MED12L: variants seen among roughly 807,000 people sequenced by gnomAD.
The protein encoded by MED12L is mediator of RNA polymerase II transcription subunit 12-like protein.
A neutral mutation model predicts 281.3 loss-of-function variants in MED12L; 60 were observed. The ratio of observed to expected loss-of-function variants is 0.21; its 90% CI spans 0.17 to 0.26. MED12L has a LOEUF of 0.26. Ranked by LOEUF, MED12L falls within the 10% of genes least tolerant of loss-of-function variation. The probability of loss-of-function intolerance (pLI) is 1.00; values close to 1 mark genes in which losing one functional copy is unlikely to be tolerated. For missense variants in MED12L, 2,146 were observed against 2,680.9 expected (o/e 0.80, Z 4.41); for synonymous variants, 974 against 987.2 (o/e 0.99, Z 0.25).
At position 151,378,148 on chromosome 3, in the gene MED12L, G is replaced by A; in HGVS notation, c.4453G>A (p.Glu1485Lys). ...GCACTTGGGTTCTTCTTCCAAAAAG[G>A]AAAGGGACAGACAGAAACAGAAAAG... is the stretch of plus-strand genomic sequence containing the variant. The part of the protein sequence containing the change: ...GQHLGSSSKK[E>K]RDRQKQKSMS... Residue 1485 changes from glutamate to lysine, a missense_variant, in exon 31 of 45, where the codon GAA (glutamate) becomes AAA (lysine). Glu to Lys is a moderately conservative substitution (Grantham distance 56). Coordinates refer to ENST00000687756, the MANE Select transcript of MED12L (RefSeq NM_001393769.1). 2 of 1,610,384 alleles carry A rather than the reference G, an allele frequency of 1.2e-6. No homozygotes were observed. Among genetic ancestry groups the A allele is most frequent in the Non-Finnish European group, 8.5e-7 (1 of 1,177,710 alleles).
chr3:151,403,724 T>C (rs996716970), intron 39 of MED12L, among the ~76,000 whole-genome samples: 1 of 152,240 alleles, frequency 6.6e-6, no homozygotes, highest in Non-Finnish European at 1.5e-5. Context: ...ACATCTCAGA[T>C]GTGACTGTAA....
chr3:151,197,977 AT>A (rs1310428742), intron 16 of MED12L: 2 of 152,872 alleles, frequency 1.3e-5, no homozygotes, highest in African/African-American at 4.8e-5. Flanking sequence ...ACAAGTTGTT[AT>A]ATGTAAGCTG....
chr3:151,280,880 T>C (rs1363261408), intron 16 of MED12L, among the ~76,000 whole-genome samples: 7 of 151,070 alleles, frequency 4.6e-5, no homozygotes, highest in African/African-American at 2.4e-5. Context: ...AGTAAGAAAA[T>C]AGAGCCTCAG....
chr3:151,184,569 C>A (rs746919545), intron 11 of MED12L, among the ~76,000 whole-genome samples: 1 of 152,144 alleles, frequency 6.6e-6, no homozygotes, highest in African/African-American at 2.4e-5. Flanking sequence ...ACCATCTCCC[C>A]GCTCACCACT....
chr3:151,307,295 T>A (rs1192075100), intron 16 of MED12L, among the ~76,000 whole-genome samples: 1 of 152,180 alleles, frequency 6.6e-6, no homozygotes, highest in Admixed American at 6.5e-5. Flanking sequence ...ATGAGTTACC[T>A]CTTATTGTAA....
intron 16 of MED12L, among the ~76,000 whole-genome samples, chr3:151,207,617 T>C (rs531126809): frequency 6.6e-6 from 1 of 152,318 alleles, no homozygotes; most frequent in East Asian, 1.9e-4. Context: ...CTCATGGTTA[T>C]ACAAGGCAAG....
At chr3:151,283,921 T>C (rs1743130125) in intron 16 of MED12L, among the ~76,000 whole-genome samples, 1 of 152,220 alleles carries the variant, frequency 6.6e-6, no homozygotes, top group South Asian at 2.1e-4. Flanking sequence ...ATGATTCAAC[T>C]TAGGACAGGT....
In MED12L at chr3:151,320,434, A is replaced by G. The variant is rs562587264; in HGVS notation, c.2251-29625A>G. ...ACCTTTGCCCAAGTCTTACTGTTCC[A>G]TCTCTGTACACAAGTCTTTCTAATT... On this transcript the variant is annotated intron_variant, in intron 16 of 44. Transcript: ENST00000687756. Among the ~76,000 whole-genome samples, 11 of 152,320 alleles carry G rather than the reference A, an allele frequency of 7.2e-5. No homozygotes were observed. In the South Asian group the frequency reaches 2.3e-3, roughly 32 times the overall value.
At chr3:151,279,006 T>G (rs1480859411) in intron 16 of MED12L, among the ~76,000 whole-genome samples, 1 of 152,240 alleles carries the variant, frequency 6.6e-6, no homozygotes, top group Non-Finnish European at 1.5e-5. Flanking sequence ...ATTTTGAAAG[T>G]CTTCATATTT....
chr3:151,308,259 C>T (rs1360288917), intron 16 of MED12L, among the ~76,000 whole-genome samples: 1 of 151,956 alleles, frequency 6.6e-6, no homozygotes, highest in African/African-American at 2.4e-5. Flanking sequence ...ACTCACATTA[C>T]TATGGCTATT....
intron 16 of MED12L, among the ~76,000 whole-genome samples, chr3:151,237,259 T>G (rs1014060180): frequency 2.0e-5 from 3 of 149,248 alleles, no homozygotes; most frequent in Non-Finnish European, 3.0e-5. Flanking sequence ...AGGCTGGTCT[T>G]GAACACCTGA....
chr3:151,213,854 G>A (rs1332649266), intron 16 of MED12L: 2 of 1,613,880 alleles, frequency 1.2e-6, no homozygotes, highest in Non-Finnish European at 1.7e-6. Context: ...ATAATATTTG[G>A]AACAGCAAGG....
At chr3:151,226,377 A>G (rs149061463) in intron 16 of MED12L, among the ~76,000 whole-genome samples, 7 of 152,370 alleles carry the variant, frequency 4.6e-5, no homozygotes, top group African/African-American at 1.4e-4. Context: ...AATCTTGCCA[A>G]TGAGTAAACG....
At chr3:151,235,873 A>C (rs983657419) in intron 16 of MED12L, among the ~76,000 whole-genome samples, 6 of 152,066 alleles carry the variant, frequency 3.9e-5, no homozygotes, top group African/African-American at 1.4e-4. Context: ...CATCTAACAT[A>C]GCCATTCCCC....
chr3:151,345,647 A>G (rs538907464), intron 16 of MED12L, among the ~76,000 whole-genome samples: 2 of 150,928 alleles, frequency 1.3e-5, no homozygotes, highest in East Asian at 3.9e-4. Flanking sequence ...CCTCCCGAGT[A>G]GCTGAAATTA....
At position 151,163,910 on chromosome 3, in the gene MED12L, C is replaced by T. The variant is rs147520923; in HGVS notation, c.1125C>T (p.Cys375=). ...ATTTCCAGACTGTCACTCTCTGTTGCCCAAGTGCCTTGGTGTGGAATTATT... is the reference window on the plus strand; with the variant it reads ...ATTTCCAGACTGTCACTCTCTGTTGTCCAAGTGCCTTGGTGTGGAATTATT... The part of the protein sequence containing the change: ...SCMLQTVTLC[C]PSALVWNYST... The change falls in exon 9 of 45, where the codon TGC becomes TGT. Residue 375 remains cysteine, a synonymous_variant. Coordinates refer to ENST00000687756, the MANE Select transcript of MED12L (RefSeq NM_001393769.1). 3.8e-4 allele frequency: 619 copies of T among 1,612,826 alleles called. No individual in the cohort carries two copies. Among genetic ancestry groups the T allele is most frequent in the Non-Finnish European group, 5.1e-4 (598 of 1,179,404 alleles).
intron 44 of MED12L, among the ~76,000 whole-genome samples, chr3:151,432,294 A>G (rs1057389084): frequency 6.6e-6 from 1 of 152,248 alleles, no homozygotes; most frequent in African/African-American, 2.4e-5. Context: ...TTGCACCTGC[A>G]TATACTCTTG....
In MED12L at chr3:151,385,171, G is replaced by T; in HGVS notation, c.5068G>T (p.Asp1690Tyr). Residue 1690 changes from aspartate to tyrosine, a missense_variant, in exon 36 of 45, where the codon GAC (aspartate) becomes TAC (tyrosine). By Grantham distance (160) the Asp-to-Tyr change is radical (BLOSUM62 -3). Coordinates refer to ENST00000687756, the MANE Select transcript of MED12L (RefSeq NM_001393769.1). ...AAAAGGAAACAAAATTGCTGGATTTGACTCTATAGATAAAAAACAGGCAAG... is the reference window on the plus strand; with the variant it reads ...AAAAGGAAACAAAATTGCTGGATTTTACTCTATAGATAAAAAACAGGCAAG... ...DTKGNKIAGF[D>Y]SIDKKQGLQV... 6.5e-7 allele frequency: 1 copy of T among 1,539,114 alleles called. No individual in the cohort carries two copies. Among genetic ancestry groups the T allele is most frequent in the Non-Finnish European group, 8.9e-7 (1 of 1,126,034 alleles).
In MED12L at chr3:151,435,353, A is replaced by C. The variant is rs1323613692; in HGVS notation, c.*2549A>C. The C allele has an allele frequency of 6.6e-6, 1 of 151,472 alleles. No homozygotes were observed. Among genetic ancestry groups the C allele is most frequent in the Non-Finnish European group, 1.5e-5 (1 of 67,976 alleles). The allele number at this position is 151,472 out of a possible 1,614,324, so 9.4% of individuals were successfully genotyped here. ...GTTGCATTTGTCAGTCATTGCATTTACCCTTCTTGGCCTGGAAGTAGAGGA... is the reference window on the plus strand; with the variant it reads ...GTTGCATTTGTCAGTCATTGCATTTCCCCTTCTTGGCCTGGAAGTAGAGGA... On this transcript the variant is annotated 3_prime_UTR_variant, in exon 45 of 45. Transcript: ENST00000687756.
Sources: gnomAD v4.1 joint callset for allele counts (sites outside exome capture counted in the v4.1 genomes callset) on GRCh38, gnomAD v4.1.1 for gene constraint, MANE v1.5 for transcripts, NCBI Gene and HGNC (gene_info 2026-07-23, HGNC 2026-07-21) for gene names.